GSN: variants seen among roughly 807,000 people sequenced by gnomAD.
GSN encodes gelsolin, also known as actin-depolymerizing factor.
GSN carries 56 observed loss-of-function variants against 85.7 expected under a neutral mutation model. The ratio of observed to expected loss-of-function variants is 0.65; its 90% CI spans 0.53 to 0.82. The LOEUF is 0.82. GSN is among the 40% of genes least tolerant of loss of function. The pLI is 0.00. For synonymous variants in GSN, 373 were observed against 399.1 expected, an observed-to-expected ratio of 0.93 and a Z score of 0.78; for missense variants, 857 against 979.8, an observed-to-expected ratio of 0.87 and a Z score of 1.67.
intron 5 of GSN, among the ~76,000 whole-genome samples, chr9:121,243,637 GC>G (rs2054646740): frequency 6.6e-6 from 1 of 152,214 alleles, no homozygotes; most frequent in Admixed American, 6.5e-5. Flanking sequence ...GAGTGCAATG[GC>G]ACGATCTTGG....
In GSN at chr9:121,299,556, G is replaced by A; in HGVS notation, c.-9-2407G>A. 1 of 799,284 alleles carries A rather than the reference G, an allele frequency of 1.3e-6. No homozygotes were observed. The highest frequency in any genetic ancestry group is 5.7e-5 in the South Asian group (1 of 17,562). 49.5% of individuals were successfully genotyped at this position (799,284 alleles called of 1,614,324 possible). ...AGAGGCGAGGGGGCTCGCGTGCGTC[G>A]CAGGAGGCTCAGCTGGGCTCGCCGC... On this transcript the variant is annotated intron_variant, in intron 2 of 17. Coordinates refer to ENST00000432226, the MANE Select transcript of GSN (RefSeq NM_198252.3). This position sits in a 1 kb window ranked among gnomAD's most constrained non-coding sequence, Gnocchi z 4.2.
upstream of GSN, chr9:121,203,189 C>T (rs2053829465): frequency 6.6e-6 from 1 of 151,168 alleles, no homozygotes; most frequent in African/African-American, 2.4e-5. Context: ...ATCCTAGCTA[C>T]TGGGGAGGCT....
At chr9:121,204,133 A>G (rs1206755604), upstream of GSN, among the ~76,000 whole-genome samples, 5 of 152,218 alleles carry the variant, frequency 3.3e-5, no homozygotes, top group African/African-American at 4.8e-5. Context: ...AACACTTACT[A>G]TGTACCAGCA....
chr9:121,202,118 G>C, the GSN span, among the ~76,000 whole-genome samples: 2 of 152,228 alleles, frequency 1.3e-5, no homozygotes, highest in Non-Finnish European at 2.9e-5. Flanking sequence ...GCGTGTCCTC[G>C]CCTCTTGGGG....
chr9:121,299,744 C>A lies in GSN; in HGVS notation c.-9-2219C>A. The stretch of plus-strand genomic sequence containing the variant: ...GTCTCCAAGATCCGAGACAGATCCC[C>A]GCCCCGCGCCCTCCCTGGGGGGCGG... On this transcript the variant is annotated intron_variant, in intron 2 of 17. Coordinates refer to ENST00000432226, the MANE Select transcript of GSN (RefSeq NM_198252.3). The surrounding 1 kb of genome is among the most constrained non-coding windows in gnomAD (Gnocchi z 4.2). 1 of 1,114,780 alleles carries A rather than the reference C, an allele frequency of 9.0e-7. No individual in the cohort carries two copies. Among genetic ancestry groups the A allele is most frequent in the Non-Finnish European group, 1.1e-6 (1 of 893,758 alleles). The allele number at this position is 1,114,780 out of a possible 1,614,324, so 69.1% of individuals were successfully genotyped here.
At chr9:121,311,093 C>G in intron 5 of GSN, 1 of 548,772 alleles carries the variant, frequency 1.8e-6, no homozygotes, top group South Asian at 2.1e-5. Flanking sequence ...ATATGTACGT[C>G]TTGTGTCCTT....
At chr9:121,290,389 G>GTATAGGA (rs1431633133) in intron 2 of GSN, among the ~76,000 whole-genome samples, 8 of 152,154 alleles carry the variant, frequency 5.3e-5, no homozygotes, top group Non-Finnish European at 1.2e-4. Flanking sequence ...ACCTCTGTTT[G>GTATAGGA]GGTTAAAGGA....
At position 121,268,233 on chromosome 9, in the gene GSN, G is replaced by GCGGCCC. The variant is rs1202077012; in HGVS notation, c.-103+24_-103+29dup. 3 of 152,378 alleles carry GCGGCCC rather than the reference G, an allele frequency of 2.0e-5. No homozygotes were observed. Among genetic ancestry groups the GCGGCCC allele is most frequent in the Non-Finnish European group, 2.9e-5 (2 of 68,262 alleles). The allele number at this position is 152,378 out of a possible 1,614,324, so 9.4% of individuals were successfully genotyped here. A position where few individuals can be genotyped will look rare whatever the true frequency, so the allele number is the denominator to read the frequency against. Reference sequence around the variant, plus strand: ...CCGCAGCAGCAGGTAGGGGAGGCGCGCGGCCCCGGCCCCGGGCATCTGGGG... The same window carrying GCGGCCC: ...CCGCAGCAGCAGGTAGGGGAGGCGCGCGGCCCCGGCCCCGGCCCCGGGCATCTGGGG... On this transcript the variant is annotated intron_variant, in intron 1 of 17. Coordinates refer to ENST00000432226, the MANE Select transcript of GSN (RefSeq NM_198252.3).
At chr9:121,282,619 C>A in intron 2 of GSN, 1 of 824,300 alleles carries the variant, frequency 1.2e-6, no homozygotes, top group Non-Finnish European at 1.7e-6. Context: ...AAAGGTCTGC[C>A]GGGCCCAGAA....
At chr9:121,311,956 C>G (rs1349082029) in intron 5 of GSN, 4 of 238,568 alleles carry the variant, frequency 1.7e-5, no homozygotes, top group African/African-American at 9.1e-5. Context: ...GTACTTCTGT[C>G]AGGTATTTTC....
rs570705938 is a variant in GSN, at chr9:121,327,232, G to T, written c.1588-76G>T. ...CCCACCTGAGAGCTAGTCCTGCTGC[G>T]GGGTCTCCTGGGCTGTGAGGAGGGG... On this transcript the variant is annotated intron_variant, in intron 13 of 17. Transcript: ENST00000432226. The T allele has an allele frequency of 0.032, 37,060 of 1,161,438 alleles. 2,801 individuals are homozygous for T. Among genetic ancestry groups the T allele is most frequent in the Admixed American group, 0.23 (13,847 of 59,082 alleles). 71.9% of individuals were successfully genotyped at this position (1,161,438 alleles called of 1,614,324 possible).
At chr9:121,331,812 G>A in intron 17 of GSN, 1 of 207,548 alleles carries the variant, frequency 4.8e-6, no homozygotes. Context: ...CCAGCATTTT[G>A]GGAGGCCAAG....
chr9:121,332,206 T>G lies in GSN; in HGVS notation c.2027-228T>G, dbSNP rs2064001402. ...GTAATAAGCTTTATGAAGCAGGAGATTAAGCCGTAGCCCTGTTCCTTCCTG... is the reference window on the plus strand; with the variant it reads ...GTAATAAGCTTTATGAAGCAGGAGAGTAAGCCGTAGCCCTGTTCCTTCCTG... On this transcript the variant is annotated intron_variant, in intron 17 of 17. Transcript: ENST00000432226. The surrounding 1 kb of genome is among the most constrained non-coding windows in gnomAD (Gnocchi z 4.8). Among the ~76,000 whole-genome samples, 1 of 152,150 alleles carries G rather than the reference T, an allele frequency of 6.6e-6. No homozygotes were observed. Among genetic ancestry groups the G allele is most frequent in the African/African-American group, 2.4e-5 (1 of 41,418 alleles).
intron 5 of GSN, chr9:121,311,055 C>T (rs2061070846): frequency 1.7e-6 from 1 of 595,564 alleles, no homozygotes; most frequent in East Asian, 2.8e-5. Context: ...CTTTGATTGA[C>T]ATATAGACTT....
intron 1 of GSN, among the ~76,000 whole-genome samples, chr9:121,269,453 G>A (rs2055589021): frequency 6.6e-6 from 1 of 152,116 alleles, no homozygotes; most frequent in Non-Finnish European, 1.5e-5. Context: ...TTGCTGGGAG[G>A]GACTCTAGCC....
intron 2 of GSN, among the ~76,000 whole-genome samples, chr9:121,287,510 G>A (rs1473572673): frequency 1.3e-5 from 2 of 152,044 alleles, no homozygotes; most frequent in Non-Finnish European, 2.9e-5. Flanking sequence ...AGCTCCTTGG[G>A]TGATCCTGCT....
chr9:121,301,934 C>T (rs372962118), intron 2 of GSN, 29 bp from the exon 3 acceptor site: 22 of 1,613,782 alleles, frequency 1.4e-5, no homozygotes, highest in East Asian at 4.5e-5. Context: ...GACCCTGCCC[C>T]GCTTAGGCTC....
chr9:121,206,116 T>C (rs1187218879), upstream of GSN, among the ~76,000 whole-genome samples: 1 of 152,126 alleles, frequency 6.6e-6, no homozygotes, highest in Non-Finnish European at 1.5e-5. Flanking sequence ...ACTAATACAA[T>C]TTGTACTCTA....
At position 121,310,762 on chromosome 9, in the gene GSN, C is replaced by T. The variant is rs138951454; in HGVS notation, c.430C>T (p.Arg144Trp). 9.9e-6 allele frequency: 16 copies of T among 1,613,968 alleles called. No homozygotes were observed. Among genetic ancestry groups the T allele is most frequent in the Admixed American group, 1.7e-5 (1 of 60,026 alleles). Residue 144 changes from arginine to tryptophan, a missense_variant, in exon 5 of 18, where the codon CGG becomes TGG. Coordinates refer to ENST00000432226, the MANE Select transcript of GSN (RefSeq NM_198252.3). ...VVQRLFQVKG[R>W]RVVRATEVPV... ...GCAGAGACTCTTCCAGGTCAAAGGG[C>T]GGCGTGTGGTCCGTGCCACCGAGGT...
Sources: gnomAD v4.1 joint callset for allele counts (sites outside exome capture counted in the v4.1 genomes callset) on GRCh38, gnomAD v4.1.1 for gene constraint, Gnocchi (gnomAD v3.1) non-coding constraint, MANE v1.5 for transcripts, NCBI Gene and HGNC (gene_info 2026-07-23, HGNC 2026-07-21) for gene names.